The following HCN1 variants were observed in gnomAD, a reference collection of about 807,000 sequenced individuals.
The protein encoded by HCN1 is hyperpolarization activated cyclic nucleotide gated potassium channel 1.
A neutral mutation model predicts 78.9 loss-of-function variants in HCN1; 13 were observed. The ratio of observed to expected loss-of-function variants is 0.16; its 90% CI spans 0.11 to 0.26. HCN1 has a LOEUF of 0.26. Ranked by LOEUF, HCN1 falls within the 10% of genes least tolerant of loss-of-function variation. The probability of loss-of-function intolerance (pLI) is 1.00; values close to 1 mark genes in which losing one functional copy is unlikely to be tolerated. For synonymous variants in HCN1, 552 were observed against 455.5 expected, an observed-to-expected ratio of 1.21 and a Z score of -2.70; for missense variants, 810 against 1,154.3, an observed-to-expected ratio of 0.70 and a Z score of 4.32.
At chr5:45,561,734 G>A (rs765675958) in intron 2 of HCN1, among the ~76,000 whole-genome samples, 1 of 152,078 alleles carries the variant, frequency 6.6e-6, no homozygotes, top group African/African-American at 2.4e-5. Flanking sequence ...TTAGAAAATT[G>A]GGGCTTTGAG....
chr5:45,514,497 C>G (rs1441397858), intron 2 of HCN1, among the ~76,000 whole-genome samples: 1 of 152,082 alleles, frequency 6.6e-6, no homozygotes, highest in Non-Finnish European at 1.5e-5. Context: ...GACCAAATTT[C>G]TTGCCGAGTT....
At chr5:45,435,411 A>C (rs942685305) in intron 3 of HCN1, among the ~76,000 whole-genome samples, 3 of 152,154 alleles carry the variant, frequency 2.0e-5, no homozygotes, top group African/African-American at 7.2e-5. Context: ...ATATTCAATT[A>C]AATTTTTGGT....
intron 2 of HCN1, among the ~76,000 whole-genome samples, chr5:45,621,723 C>T (rs1013421287): frequency 6.6e-6 from 1 of 151,948 alleles, no homozygotes; most frequent in African/African-American, 2.4e-5. Flanking sequence ...CACATAAATA[C>T]AAACCTTTCA....
chr5:45,296,747 C>G (rs1745501769), intron 6 of HCN1, among the ~76,000 whole-genome samples: 1 of 151,778 alleles, frequency 6.6e-6, no homozygotes, highest in African/African-American at 2.4e-5. Flanking sequence ...TTATCAACAT[C>G]AAAAATGAAA....
At chr5:45,439,597 A>G (rs1250761906) in intron 3 of HCN1, among the ~76,000 whole-genome samples, 1 of 152,116 alleles carries the variant, frequency 6.6e-6, no homozygotes, top group Non-Finnish European at 1.5e-5. Context: ...TTCTGTTTTT[A>G]TTTCCATGAA....
At chr5:45,262,897 T>G in intron 7 of HCN1, 87 bp from the exon 8 acceptor site, 1 of 1,417,616 alleles carries the variant, frequency 7.1e-7, no homozygotes, top group Non-Finnish European at 9.8e-7. Flanking sequence ...CAAACAGAAG[T>G]ATAGCTGTGC....
intron 1 of HCN1, among the ~76,000 whole-genome samples, chr5:45,660,557 C>A (rs1227367967): frequency 6.6e-6 from 1 of 151,778 alleles, no homozygotes; most frequent in Non-Finnish European, 1.5e-5. Flanking sequence ...TTCAGGAAAC[C>A]CATCTCATGT....
At position 45,372,971 on chromosome 5, in the gene HCN1, A is replaced by G. The variant is rs1316993353; in HGVS notation, c.1231-19725T>C. Among the ~76,000 whole-genome samples, 46 of 140,750 alleles carry G rather than the reference A, an allele frequency of 3.3e-4. 1 individual carries two copies. In the Admixed American group the frequency reaches 3.4e-3, roughly 10 times the overall value. The allele number at this position is 140,750 out of a possible 152,430, so 92.3% of individuals were successfully genotyped here. Reference sequence around the variant, plus strand: ...TAAGTATTTTATACATAAAAGATATAAAATAAATAAAAAATAATATATAAA... The same window carrying G: ...TAAGTATTTTATACATAAAAGATATGAAATAAATAAAAAATAATATATAAA... On this transcript the variant is annotated intron_variant, in intron 4 of 7. Transcript: ENST00000303230.
At chr5:45,506,268 A>G (rs1742298975) in intron 2 of HCN1, among the ~76,000 whole-genome samples, 1 of 152,144 alleles carries the variant, frequency 6.6e-6, no homozygotes, top group South Asian at 2.1e-4. Flanking sequence ...ATATGTTCTT[A>G]AGACAACTTA....
intron 1 of HCN1, among the ~76,000 whole-genome samples, chr5:45,664,973 C>G (rs1746006309): frequency 6.6e-6 from 1 of 151,740 alleles, no homozygotes; most frequent in Non-Finnish European, 1.5e-5. Context: ...GACTATAAAT[C>G]ATGCTGCTAT....
chr5:45,400,282 T>C (rs1441469698), intron 3 of HCN1, among the ~76,000 whole-genome samples: 1 of 152,128 alleles, frequency 6.6e-6, no homozygotes, highest in Admixed American at 6.6e-5. Context: ...TTAATTCAGT[T>C]TTTCAGAATA....
At chr5:45,420,635 C>A (rs933662512) in intron 3 of HCN1, among the ~76,000 whole-genome samples, 3 of 152,112 alleles carry the variant, frequency 2.0e-5, no homozygotes, top group Non-Finnish European at 4.4e-5. Context: ...TACATAATGA[C>A]GTTTTTGGTG....
intron 4 of HCN1, among the ~76,000 whole-genome samples, chr5:45,356,606 G>A (rs922463392): frequency 6.6e-6 from 1 of 151,866 alleles, no homozygotes; most frequent in African/African-American, 2.4e-5. Flanking sequence ...GCCACTTACA[G>A]TACCCCAAAT....
chr5:45,503,594 AT>A (rs1367171612), intron 2 of HCN1, among the ~76,000 whole-genome samples: 1 of 152,144 alleles, frequency 6.6e-6, no homozygotes, highest in Non-Finnish European at 1.5e-5. Flanking sequence ...GAACAATAAT[AT>A]TTTTATATGT....
At chr5:45,577,160 T>C (rs894615683) in intron 2 of HCN1, among the ~76,000 whole-genome samples, 4 of 152,102 alleles carry the variant, frequency 2.6e-5, no homozygotes, top group African/African-American at 9.7e-5. Flanking sequence ...CAGAATATTG[T>C]TGGAGCTGAA....
At chr5:45,607,360 T>C (rs1389398039) in intron 2 of HCN1, among the ~76,000 whole-genome samples, 1 of 151,606 alleles carries the variant, frequency 6.6e-6, no homozygotes. Flanking sequence ...GTCATTTTGA[T>C]AAAAGAAATC....
intron 2 of HCN1, among the ~76,000 whole-genome samples, chr5:45,592,625 G>A (rs1488642267): frequency 6.6e-6 from 1 of 151,886 alleles, no homozygotes; most frequent in African/African-American, 2.4e-5. Context: ...TTTGTTTCTT[G>A]GACTGTTTTT....
intron 3 of HCN1, among the ~76,000 whole-genome samples, chr5:45,438,153 TAGTACCATTGGGAG>T (rs1277012435): frequency 6.6e-6 from 1 of 152,154 alleles, no homozygotes; most frequent in Non-Finnish European, 1.5e-5. Flanking sequence ...TACTACAAAG[TAGTACCATTGGGAG>T]ATGTCTACCA....
chr5:45,291,032 C>CT (rs995834845), intron 6 of HCN1, among the ~76,000 whole-genome samples: 1 of 151,912 alleles, frequency 6.6e-6, no homozygotes, highest in African/African-American at 2.4e-5. Context: ...ACACAATGGC[C>CT]TAAGTATTAT....
Sources: allele counts gnomAD v4.1 joint callset (sites outside exome capture counted in the v4.1 genomes callset), GRCh38; gene constraint gnomAD v4.1.1; transcripts MANE v1.5; gene names NCBI Gene and HGNC (gene_info 2026-07-23, HGNC 2026-07-21).